CNTN3: variants seen among roughly 807,000 people sequenced by gnomAD.
CNTN3 encodes the protein contactin-3.
A neutral mutation model predicts 119.1 loss-of-function variants in CNTN3; 60 were observed. The observed-to-expected ratio is 0.50, with a 90% confidence interval of 0.41 to 0.62. CNTN3 has a LOEUF of 0.62. CNTN3 is among the 20% of genes least tolerant of loss of function. CNTN3 has a pLI of 0.00. For missense variants in CNTN3, 1,101 were observed against 1,242.4 expected, an observed-to-expected ratio of 0.89 and a Z score of 1.71; for synonymous variants, 450 against 438.7, an observed-to-expected ratio of 1.03 and a Z score of -0.32.
intron 1 of CNTN3, among the ~76,000 whole-genome samples, chr3:74,594,273 C>CTTTTTTT (rs59436860): frequency 1.1e-4 from 12 of 112,058 alleles, no homozygotes; most frequent in East Asian, 5.3e-4. Flanking sequence ...TTCTTTTTTT[C>CTTTTTTT]TTTTTTTTTT....
At chr3:74,561,878 C>G (rs909748219) in intron 1 of CNTN3, among the ~76,000 whole-genome samples, 17 of 152,070 alleles carry the variant, frequency 1.1e-4, no homozygotes, top group Non-Finnish European at 1.2e-4. Flanking sequence ...CCTCTTCATG[C>G]CAAAACAACA....
chr3:74,267,182 T>C, intron 21 of CNTN3, 84 bp downstream of exon 21: 1 of 770,618 alleles, frequency 1.3e-6, no homozygotes, highest in East Asian at 2.5e-5. Context: ...TATCAATATA[T>C]AGAAAAATTC....
intron 4 of CNTN3, among the ~76,000 whole-genome samples, chr3:74,430,041 A>C (rs368051657): frequency 6.6e-6 from 1 of 152,352 alleles, no homozygotes; most frequent in East Asian, 1.9e-4. Context: ...TTGTCTTCTT[A>C]AGTGTAAAAT....
Position 74,598,754 on chromosome 3 carries a change from T to C in CNTN3, c.-81+15637A>G, listed in dbSNP as rs1042472332. On this transcript the variant is annotated intron_variant, in intron 1 of 22. Coordinates refer to ENST00000263665, the MANE Select transcript of CNTN3 (RefSeq NM_020872.3). ...CATTAATTCTAGTAATATCAACCAT[T>C]TAATGTGAGCTTAAATATGATTAGT... Among the ~76,000 whole-genome samples, 5 of 152,020 alleles carry C rather than the reference T, an allele frequency of 3.3e-5. No homozygotes were observed. The East Asian group carries it at 9.7e-4, about 30-fold the overall frequency.
At chr3:74,589,831 A>G (rs1704668195) in intron 1 of CNTN3, among the ~76,000 whole-genome samples, 1 of 151,700 alleles carries the variant, frequency 6.6e-6, no homozygotes, top group Non-Finnish European at 1.5e-5. Flanking sequence ...ATTGGAAATC[A>G]TCATTCTCAG....
At chr3:74,455,653 G>C (rs956555667) in intron 4 of CNTN3, among the ~76,000 whole-genome samples, 1 of 151,990 alleles carries the variant, frequency 6.6e-6, no homozygotes, top group Non-Finnish European at 1.5e-5. Flanking sequence ...GGTCTTTGAT[G>C]ATGGTGATGT....
intron 4 of CNTN3, among the ~76,000 whole-genome samples, chr3:74,438,380 A>T (rs930705485): frequency 6.6e-6 from 1 of 152,190 alleles, no homozygotes; most frequent in African/African-American, 2.4e-5. Context: ...AGCTGAGAGG[A>T]TTATATGAGA....
At chr3:74,611,401 T>C (rs1705079552) in intron 1 of CNTN3, among the ~76,000 whole-genome samples, 1 of 152,188 alleles carries the variant, frequency 6.6e-6, no homozygotes, top group Admixed American at 6.5e-5. Flanking sequence ...GATTGAAACT[T>C]GGCATACAAA....
At chr3:74,374,658 G>C (rs139050385) in intron 5 of CNTN3, among the ~76,000 whole-genome samples, 1 of 152,138 alleles carries the variant, frequency 6.6e-6, no homozygotes, top group African/African-American at 2.4e-5. Flanking sequence ...CCCACTGAAG[G>C]AAGAAGAAAA....
intron 4 of CNTN3, among the ~76,000 whole-genome samples, chr3:74,483,932 T>A (rs563014584): frequency 6.6e-6 from 1 of 152,258 alleles, no homozygotes; most frequent in South Asian, 2.1e-4. Context: ...AGGTATTTTG[T>A]CATACATGTC....
chr3:74,497,097 T>A (rs967470816), intron 3 of CNTN3, among the ~76,000 whole-genome samples: 5 of 152,012 alleles, frequency 3.3e-5, no homozygotes, highest in African/African-American at 1.2e-4. Flanking sequence ...TGTCTCTCTA[T>A]CTGCTTATAT....
At chr3:74,358,663 A>G (rs1188988800) in intron 11 of CNTN3, among the ~76,000 whole-genome samples, 4 of 150,108 alleles carry the variant, frequency 2.7e-5, no homozygotes, top group Admixed American at 1.3e-4. Flanking sequence ...ACATTGTGCA[A>G]GTTAGTTACA....
intron 4 of CNTN3, among the ~76,000 whole-genome samples, chr3:74,458,567 T>C (rs1204102423): frequency 6.6e-6 from 1 of 151,960 alleles, no homozygotes; most frequent in Non-Finnish European, 1.5e-5. Flanking sequence ...TATGAGACCA[T>C]ATGGCCCACA....
At chr3:74,591,740 G>A (rs1418595761) in intron 1 of CNTN3, among the ~76,000 whole-genome samples, 1 of 151,930 alleles carries the variant, frequency 6.6e-6, no homozygotes, top group Non-Finnish European at 1.5e-5. Flanking sequence ...GACAGAAATA[G>A]GAAAGGGTAA....
intron 4 of CNTN3, among the ~76,000 whole-genome samples, chr3:74,470,530 C>T (rs958636230): frequency 6.6e-6 from 1 of 152,000 alleles, no homozygotes; most frequent in Non-Finnish European, 1.5e-5. Context: ...ACAGTCAGAC[C>T]TGGGCCCGGC....
chr3:74,524,432 G>A (rs189669433), intron 1 of CNTN3, among the ~76,000 whole-genome samples: 207 of 151,954 alleles, frequency 1.4e-3, no homozygotes, highest in African/African-American at 4.7e-3. Context: ...AGGTACAGTA[G>A]AGGGTAGACG....
intron 11 of CNTN3, among the ~76,000 whole-genome samples, chr3:74,341,187 A>T (rs1703535285): frequency 6.6e-6 from 1 of 152,240 alleles, no homozygotes. Flanking sequence ...AAGTTCTAAG[A>T]GGCCCACAGG....
At chr3:74,459,077 G>A (rs1212409136) in intron 4 of CNTN3, among the ~76,000 whole-genome samples, 3 of 152,010 alleles carry the variant, frequency 2.0e-5, no homozygotes, top group Non-Finnish European at 2.9e-5. Flanking sequence ...CTGACTGAGT[G>A]TTCCACATAT....
At chr3:74,416,852 G>C (rs1381609560) in intron 5 of CNTN3, among the ~76,000 whole-genome samples, 2 of 152,078 alleles carry the variant, frequency 1.3e-5, no homozygotes, top group Admixed American at 1.3e-4. Context: ...GCCGGGCATG[G>C]TGGCGTGTGG....
Sources: gnomAD v4.1 joint callset for allele counts (sites outside exome capture counted in the v4.1 genomes callset) on GRCh38, gnomAD v4.1.1 for gene constraint, MANE v1.5 for transcripts, NCBI Gene and HGNC (gene_info 2026-07-23, HGNC 2026-07-21) for gene names.